UBE2D4: variants seen among roughly 807,000 people sequenced by gnomAD.
UBE2D4 encodes ubiquitin-conjugating enzyme E2 D4.
Under a neutral mutation model 23.0 loss-of-function variants are expected in UBE2D4, and 17 were observed. The observed-to-expected ratio is 0.74, with a 90% CI of 0.51 to 1.11. The LOEUF (loss-of-function observed/expected upper bound fraction) is 1.11. Among genes scored for constraint, UBE2D4 ranks in the 50% least tolerant of loss-of-function variants. The pLI is 0.00. For synonymous variants in UBE2D4, 61 were observed against 69.4 expected, an observed-to-expected ratio of 0.88 and a Z score of 0.60; for missense variants, 139 against 181.8, an observed-to-expected ratio of 0.76 and a Z score of 1.35.
Position 43,926,557 on chromosome 7 carries a change from G to A in UBE2D4, c.24+1G>A. ...GATGGCGCTAAAGCGGATCCAGAAG[G>A]TACGCACTTTCCCACCCTCCAACTC... On this transcript the variant is annotated splice_donor_variant, in intron 1 of 6. Transcript: ENST00000222402. LOFTEE classifies it high-confidence loss of function. 1 of 1,571,026 alleles carries A rather than the reference G, an allele frequency of 6.4e-7. No homozygotes were observed. Among genetic ancestry groups the A allele is most frequent in the Non-Finnish European group, 8.6e-7 (1 of 1,161,862 alleles).
rs1219262046 is a variant in UBE2D4 at position 43,954,324 on chromosome 7, G to A, written c.*1629G>A. 1 of 143,814 alleles carries A rather than the reference G, an allele frequency of 7.0e-6. No homozygotes were observed. Among genetic ancestry groups the A allele is most frequent in the Non-Finnish European group, 1.5e-5 (1 of 66,932 alleles). 8.9% of individuals were successfully genotyped at this position (143,814 alleles called of 1,614,324 possible). A position where few individuals can be genotyped will look rare whatever the true frequency, so the allele number is the denominator to read the frequency against. On this transcript the variant is annotated 3_prime_UTR_variant, in exon 7 of 7. Coordinates refer to ENST00000222402, the MANE Select transcript of UBE2D4 (RefSeq NM_015983.4). ...GCTCTGTCTCCCAGGCTGGAGTGCA[G>A]TGGTGCGATCTTGGCTCACTGCAAC...
At chr7:43,941,535 G>C (rs2095972468) in intron 2 of UBE2D4, 2 of 152,396 alleles carry the variant, frequency 1.3e-5, no homozygotes, top group Admixed American at 1.3e-4. Context: ...AGTGCCTAGA[G>C]CACAGGGCAC....
intron 1 of UBE2D4, among the ~76,000 whole-genome samples, chr7:43,932,188 A>G (rs2095947350): frequency 6.7e-6 from 1 of 149,888 alleles, no homozygotes. Context: ...ACGGGGTTTC[A>G]CCATGTTAGC....
chr7:43,938,367 G>T, intron 1 of UBE2D4, 64 bp from the exon 2 acceptor site: 1 of 1,506,614 alleles, frequency 6.6e-7, no homozygotes, highest in East Asian at 2.3e-5. Flanking sequence ...CAGCTACCAA[G>T]ATTGGTATGT....
chr7:43,928,462 T>G (rs779745904), intron 1 of UBE2D4, among the ~76,000 whole-genome samples: 15 of 151,480 alleles, frequency 9.9e-5, no homozygotes, highest in African/African-American at 1.5e-4. Flanking sequence ...AAAAGAGAGA[T>G]AATTCTGATG....
intron 4 of UBE2D4, 160 bp from the exon 5 acceptor site, chr7:43,948,472 C>G (rs2095993565): frequency 1.7e-6 from 1 of 585,648 alleles, no homozygotes; most frequent in Non-Finnish European, 3.1e-6. Flanking sequence ...TCCCATATCC[C>G]ATTAGAGTTT....
intron 1 of UBE2D4, among the ~76,000 whole-genome samples, chr7:43,929,362 G>A (rs544127147): frequency 4.6e-5 from 7 of 151,694 alleles, no homozygotes; most frequent in Non-Finnish European, 8.8e-5. Context: ...AGGAGTGGAG[G>A]TTGCAGTGAG....
rs1369175695 is a variant in UBE2D4, at chr7:43,953,665, G to T, written c.*970G>T. The T allele has an allele frequency of 6.4e-6, 1 of 156,296 alleles. No homozygotes were observed. Among genetic ancestry groups the T allele is most frequent in the African/African-American group, 2.4e-5 (1 of 41,500 alleles). 9.7% of individuals were successfully genotyped at this position (156,296 alleles called of 1,614,324 possible). A position where few individuals can be genotyped will look rare whatever the true frequency, so the allele number is the denominator to read the frequency against. On this transcript the variant is annotated 3_prime_UTR_variant, in exon 7 of 7. Transcript: ENST00000222402. ...CTTAAATTACAATAGCCTGTTAGGT[G>T]ATCGGCTTTCTGCCTTGGCTTTCTG...
intron 1 of UBE2D4, among the ~76,000 whole-genome samples, chr7:43,932,749 C>T (rs1009701203): frequency 1.3e-5 from 2 of 151,308 alleles, no homozygotes; most frequent in African/African-American, 4.9e-5. Flanking sequence ...ACCAAGATGG[C>T]GCCACGGCAC....
intron 1 of UBE2D4, among the ~76,000 whole-genome samples, chr7:43,934,843 A>G (rs1410536094): frequency 1.3e-5 from 2 of 152,196 alleles, no homozygotes; most frequent in Non-Finnish European, 2.9e-5. Flanking sequence ...CAAATCACTA[A>G]TATGTTACAA....
rs2096007341 is a variant in UBE2D4 at position 43,953,428 on chromosome 7, G to T, written c.*733G>T. On this transcript the variant is annotated 3_prime_UTR_variant, in exon 7 of 7. Transcript: ENST00000222402. Reference sequence around the variant, plus strand: ...AGATTTGGGTCATGTTACTCCATTTGATGAAGATTCTCACTACCGCCCGCT... The same window carrying T: ...AGATTTGGGTCATGTTACTCCATTTTATGAAGATTCTCACTACCGCCCGCT... 5.9e-6 allele frequency: 2 copies of T among 340,412 alleles called. No homozygotes were observed. The highest frequency in any genetic ancestry group is 4.5e-5 in the South Asian group (2 of 43,986). The allele number at this position is 340,412 out of a possible 1,614,324, so 21.1% of individuals were successfully genotyped here.
At chr7:43,948,993 G>A in intron 5 of UBE2D4, 1 of 446,370 alleles carries the variant, frequency 2.2e-6, no homozygotes, top group Non-Finnish European at 4.0e-6. Context: ...GGTGCAAGAA[G>A]AAAATACTGA....
intron 2 of UBE2D4, 32 bp downstream of exon 2, chr7:43,938,526 A>G (rs757702910): frequency 1.1e-5 from 17 of 1,609,550 alleles, no homozygotes; most frequent in Non-Finnish European, 1.4e-5. Context: ...AAGTTGTAGG[A>G]GCATTTTAAT....
At position 43,938,506 on chromosome 7, in the gene UBE2D4, G is replaced by C. The variant is rs1408786316; in HGVS notation, c.88+12G>C. The C allele has an allele frequency of 6.2e-7, 1 of 1,613,624 alleles. No individual in the cohort carries two copies. Among genetic ancestry groups the C allele is most frequent in the Non-Finnish European group, 8.5e-7 (1 of 1,179,660 alleles). The stretch of plus-strand genomic sequence containing the variant: ...TGTCGGTGATGACTGTAAGTATTTT[G>C]GGGGGCTTCAAGTTGTAGGAGCATT... On this transcript the variant is annotated intron_variant, in intron 2 of 6. Coordinates refer to ENST00000222402, the MANE Select transcript of UBE2D4 (RefSeq NM_015983.4).
At position 43,952,443 on chromosome 7, in the gene UBE2D4, T is replaced by A. The variant is rs2096004910; in HGVS notation, c.399-207T>A. ...GAATCAACAGTTTGGGGTTTACACA[T>A]GAGGGGTTCACCCAGCTGGGGGTTT... On this transcript the variant is annotated intron_variant, in intron 6 of 6. Coordinates refer to ENST00000222402, the MANE Select transcript of UBE2D4 (RefSeq NM_015983.4). 3 of 544,482 alleles carry A rather than the reference T, an allele frequency of 5.5e-6. No homozygotes were observed. In the African/African-American group the frequency reaches 5.7e-5, roughly 10 times the overall value. The allele number at this position is 544,482 out of a possible 1,614,324, so 33.7% of individuals were successfully genotyped here. A position where few individuals can be genotyped will look rare whatever the true frequency, so the allele number is the denominator to read the frequency against.
chr7:43,932,986 A>ATG, intron 1 of UBE2D4, among the ~76,000 whole-genome samples: 1 of 49,370 alleles, frequency 2.0e-5, no homozygotes, highest in Non-Finnish European at 4.1e-5. Flanking sequence ...ATGTTAAAGT[A>ATG]TATATATATA....
At chr7:43,942,724 A>C in intron 2 of UBE2D4, 102 bp from the exon 3 acceptor site, 1 of 1,534,410 alleles carries the variant, frequency 6.5e-7, no homozygotes, top group Non-Finnish European at 9.0e-7. Flanking sequence ...AAGTGAGTGC[A>C]TCTTGTGTAG....
At chr7:43,927,951 A>C (rs2095936515) in intron 1 of UBE2D4, 2 of 431,960 alleles carry the variant, frequency 4.6e-6, no homozygotes, top group Non-Finnish European at 9.1e-6. Context: ...GTTGCTATAA[A>C]GGAATATCTG....
At chr7:43,948,889 C>T (rs953232113) in intron 5 of UBE2D4, 152 bp downstream of exon 5, 2 of 625,490 alleles carry the variant, frequency 3.2e-6, no homozygotes, top group Non-Finnish European at 5.7e-6. Flanking sequence ...GATATCCTTA[C>T]ACGCCTACGA....
Sources: gnomAD v4.1 joint callset for allele counts (sites outside exome capture counted in the v4.1 genomes callset) on GRCh38, gnomAD v4.1.1 for gene constraint, MANE v1.5 for transcripts, NCBI Gene and HGNC (gene_info 2026-07-23, HGNC 2026-07-21) for gene names.